Variants in SEMA6D observed in about 807,000 individuals in gnomAD.
SEMA6D encodes semaphorin-6D.
A neutral mutation model predicts 106.6 loss-of-function variants in SEMA6D; 35 were observed. The ratio of observed to expected loss-of-function variants is 0.33; its 90% CI spans 0.25 to 0.44. SEMA6D has a LOEUF of 0.44. SEMA6D is among the 20% of genes least tolerant of loss of function. The pLI, the probability that SEMA6D is intolerant of heterozygous loss-of-function variation, is 1.00. For missense variants in SEMA6D, 1,185 were observed against 1,345.9 expected (o/e 0.88, Z 1.87); for synonymous variants, 499 against 487.7 (o/e 1.02, Z -0.31).
chr15:47,229,767 C>G (rs1229993221), intron 1 of SEMA6D, among the ~76,000 whole-genome samples: 1 of 152,082 alleles, frequency 6.6e-6, no homozygotes, highest in Admixed American at 6.6e-5. Context: ...TGAAGTCTGA[C>G]CATCCTTTAT....
At chr15:47,192,365 G>C (rs991809799) in intron 1 of SEMA6D, among the ~76,000 whole-genome samples, 17 of 152,148 alleles carry the variant, frequency 1.1e-4, no homozygotes, top group African/African-American at 3.9e-4. Context: ...TATCTTAGTA[G>C]AATGCAATGT....
chr15:47,356,688 A>G (rs1462774121), intron 1 of SEMA6D, among the ~76,000 whole-genome samples: 3 of 152,170 alleles, frequency 2.0e-5, no homozygotes, highest in Non-Finnish European at 4.4e-5. Context: ...TCCTATTGCA[A>G]TTCAAATGCA....
chr15:47,437,847 C>T (rs1048105306), intron 2 of SEMA6D, among the ~76,000 whole-genome samples: 1 of 152,006 alleles, frequency 6.6e-6, no homozygotes, highest in African/African-American at 2.4e-5. Context: ...CAAAAATAAC[C>T]CCTTAAAATT....
intron 1 of SEMA6D, among the ~76,000 whole-genome samples, chr15:47,363,885 C>G (rs281270): frequency 0.65 from 98,955 of 151,972 alleles, 32,920 homozygotes; most frequent in Non-Finnish European, 0.72. Flanking sequence ...AAGCAGGCAC[C>G]TTCTTTACAA....
chr15:47,272,895 T>C (rs986349391), intron 1 of SEMA6D: 1 of 152,192 alleles, frequency 6.6e-6, no homozygotes, highest in Non-Finnish European at 1.5e-5. Flanking sequence ...AATTTCAGAT[T>C]GGACTTTTAA....
At chr15:47,466,965 A>G (rs1468276809) in intron 2 of SEMA6D, among the ~76,000 whole-genome samples, 1 of 151,290 alleles carries the variant, frequency 6.6e-6, no homozygotes, top group Non-Finnish European at 1.5e-5. Context: ...CTGACCTCAA[A>G]TGATCTACCG....
intron 4 of SEMA6D, among the ~76,000 whole-genome samples, chr15:47,638,426 A>T (rs2077429974): frequency 1.3e-5 from 2 of 152,190 alleles, no homozygotes. Flanking sequence ...TTTTAGAATG[A>T]TATCAGACTA....
intron 1 of SEMA6D, among the ~76,000 whole-genome samples, chr15:47,756,698 A>G (rs2081762128): frequency 6.6e-6 from 1 of 152,040 alleles, no homozygotes; most frequent in African/African-American, 2.4e-5. Context: ...TCATGATTTC[A>G]CTGACCCCTG....
chr15:47,585,533 CTG>C (rs373268312), intron 3 of SEMA6D, among the ~76,000 whole-genome samples: 41 of 152,264 alleles, frequency 2.7e-4, no homozygotes, highest in African/African-American at 9.9e-4. Flanking sequence ...GGCAAGGACA[CTG>C]TGTAGCAAGA....
intron 1 of SEMA6D, among the ~76,000 whole-genome samples, chr15:47,294,439 A>C (rs7167198): frequency 6.6e-6 from 1 of 152,136 alleles, no homozygotes; most frequent in East Asian, 1.9e-4. Context: ...GGCCAGGCTG[A>C]TCTCAAATTC....
At chr15:47,523,812 G>C (rs557897150) in intron 3 of SEMA6D, among the ~76,000 whole-genome samples, 1 of 152,276 alleles carries the variant, frequency 6.6e-6, no homozygotes, top group Non-Finnish European at 1.5e-5. Flanking sequence ...TTCCTCTACA[G>C]GAAATTGTGT....
intron 1 of SEMA6D, among the ~76,000 whole-genome samples, chr15:47,246,442 T>C (rs1443577804): frequency 6.6e-6 from 1 of 152,180 alleles, no homozygotes; most frequent in Non-Finnish European, 1.5e-5. Flanking sequence ...TCTTATATCT[T>C]TGTAGACTAG....
chr15:47,757,897 C>T (rs935379866), intron 1 of SEMA6D, among the ~76,000 whole-genome samples: 7 of 152,136 alleles, frequency 4.6e-5, no homozygotes, highest in Non-Finnish European at 7.4e-5. Context: ...GCTTCCTTTT[C>T]GCTCTGAGAA....
At chr15:47,436,766 A>ATAT (rs951350508) in intron 2 of SEMA6D, among the ~76,000 whole-genome samples, 12 of 83,680 alleles carry the variant, frequency 1.4e-4, no homozygotes, top group Middle Eastern at 5.2e-3. Flanking sequence ...ATTAAAAAAA[A>ATAT]AAATATATAT....
intron 1 of SEMA6D, among the ~76,000 whole-genome samples, chr15:47,277,609 A>ATTTAT (rs1555414605): frequency 0.037 from 4,736 of 128,526 alleles, 222 homozygotes; most frequent in African/African-American, 0.12. Context: ...TATTATTATT[A>ATTTAT]TTATTTATTA....
At chr15:47,348,712 CA>C (rs1437435227) in intron 1 of SEMA6D, among the ~76,000 whole-genome samples, 1,666 of 85,770 alleles carry the variant, frequency 0.019, 45 homozygotes, top group African/African-American at 0.087. Context: ...CACACACACA[CA>C]CACACCACAC....
At position 47,303,231 on chromosome 15, in the gene SEMA6D, G is replaced by A. The variant is rs192454475; in HGVS notation, c.-238-109162G>A. On this transcript the variant is annotated intron_variant, in intron 1 of 19. Transcript: ENST00000558014. The stretch of plus-strand genomic sequence containing the variant: ...GTCTAAGACAACTGGTGAACTTGTG[G>A]AAATATTGAAAGCACATTTCTTGAC... Among the ~76,000 whole-genome samples the A allele has an allele frequency of 1.1e-4, 16 of 152,118 alleles. No homozygotes were observed. The East Asian group carries it at 2.7e-3, about 26-fold the overall frequency.
chr15:47,233,142 A>G (rs929088457), intron 1 of SEMA6D, among the ~76,000 whole-genome samples: 1 of 151,990 alleles, frequency 6.6e-6, no homozygotes, highest in Admixed American at 6.6e-5. Flanking sequence ...CTGGGGTCCA[A>G]ATTCAAAGTT....
intron 2 of SEMA6D, among the ~76,000 whole-genome samples, chr15:47,429,158 A>C (rs999637816): frequency 7.2e-5 from 11 of 152,090 alleles, no homozygotes; most frequent in African/African-American, 2.7e-4. Flanking sequence ...ACCCAGATGC[A>C]GGTACCTAGA....
Sources: allele counts gnomAD v4.1 joint callset (sites outside exome capture counted in the v4.1 genomes callset), GRCh38; gene constraint gnomAD v4.1.1; transcripts MANE v1.5; gene names NCBI Gene and HGNC (gene_info 2026-07-23, HGNC 2026-07-21).